Variants in KIF2A observed in about 807,000 individuals in gnomAD.
KIF2A encodes the protein kinesin family member 2A.
Under a neutral mutation model 100.2 loss-of-function variants are expected in KIF2A, and 22 were observed. The ratio of observed to expected loss-of-function variants is 0.22; its 90% CI spans 0.16 to 0.31. The LOEUF is 0.31. Among genes scored for constraint, KIF2A ranks in the 10% least tolerant of loss-of-function variants. KIF2A has a pLI of 1.00. For synonymous variants in KIF2A, 268 were observed against 285.9 expected (o/e 0.94, Z 0.63); for missense variants, 495 against 898.7 (o/e 0.55, Z 5.74).
intron 4 of KIF2A, among the ~76,000 whole-genome samples, chr5:62,351,587 G>A (rs1409180748): frequency 6.6e-6 from 1 of 152,148 alleles, no homozygotes; most frequent in Non-Finnish European, 1.5e-5. Context: ...AGTATTAAAT[G>A]AGAGATTGGA....
chr5:62,367,601 T>C (rs1412394958), intron 16 of KIF2A, among the ~76,000 whole-genome samples: 1 of 152,164 alleles, frequency 6.6e-6, no homozygotes, highest in African/African-American at 2.4e-5. Flanking sequence ...CATTTTGTTA[T>C]TCATATTAAT....
At chr5:62,328,848 G>C (rs1208262519) in intron 1 of KIF2A, among the ~76,000 whole-genome samples, 1 of 152,074 alleles carries the variant, frequency 6.6e-6, no homozygotes, top group Non-Finnish European at 1.5e-5. Context: ...TCTTATTACT[G>C]TTACGCAAAT....
chr5:62,366,558 G>T, intron 16 of KIF2A, 77 bp downstream of exon 16: 1 of 900,522 alleles, frequency 1.1e-6, no homozygotes, highest in Non-Finnish European at 1.7e-6. Flanking sequence ...TCTGCCTCGT[G>T]CGGTGGCTCA....
intron 1 of KIF2A, among the ~76,000 whole-genome samples, chr5:62,344,342 A>C (rs1224718089): frequency 7.2e-6 from 1 of 138,942 alleles, no homozygotes; most frequent in Non-Finnish European, 1.6e-5. Context: ...GCGCGACTCC[A>C]TCTCAAAAAA....
At position 62,363,753 on chromosome 5, in the gene KIF2A, A is replaced by G; in HGVS notation, c.1321A>G (p.Ile441Val). 2 of 1,613,928 alleles carry G rather than the reference A, an allele frequency of 1.2e-6. No homozygotes were observed. Among genetic ancestry groups the G allele is most frequent in the East Asian group, 2.2e-5 (1 of 44,870 alleles). ...ATCTCGGAGCCATGCAGTGTTTCAG[A>G]TTATTCTTAGAAGGAAAGGAAAACT... ...HSSRSHAVFQIILRRKGKLHG... is the reference protein window; with the variant it reads ...HSSRSHAVFQVILRRKGKLHG... Residue 441 changes from isoleucine to valine, a missense_variant, in exon 14 of 21, where the codon ATT (isoleucine) becomes GTT (valine). Around this residue, in one of 10 missense-constraint regions of KIF2A, gnomAD observed 38 missense variants for 99.5 expected, o/e 0.38. Transcript: ENST00000407818.
In KIF2A at chr5:62,377,964, C is replaced by T. The variant is rs1248196082; in HGVS notation, c.2013+202C>T. Among the ~76,000 whole-genome samples, 7 of 152,150 alleles carry T rather than the reference C, an allele frequency of 4.6e-5. No individual in the cohort carries two copies. In the South Asian group the frequency reaches 8.3e-4, roughly 18 times the overall value. On this transcript the variant is annotated intron_variant, in intron 19 of 20. Transcript: ENST00000407818. ...AACATTTCTTTGCACCATGGTGAAA[C>T]GTTCTACTTTATTTACCTCCCGTCC...
At chr5:62,372,063 T>C (rs891928794) in intron 16 of KIF2A, among the ~76,000 whole-genome samples, 8 of 152,218 alleles carry the variant, frequency 5.3e-5, no homozygotes, top group Non-Finnish European at 1.2e-4. Context: ...GCAAAAATGT[T>C]GAAGACTCAT....
intron 14 of KIF2A, among the ~76,000 whole-genome samples, chr5:62,364,966 G>A (rs1740997955): frequency 6.6e-6 from 1 of 152,136 alleles, no homozygotes; most frequent in Non-Finnish European, 1.5e-5. Flanking sequence ...GGTAGCAGGC[G>A]CCTGTTATCC....
chr5:62,364,438 G>A (rs1157376305), intron 14 of KIF2A, among the ~76,000 whole-genome samples: 2 of 152,240 alleles, frequency 1.3e-5, no homozygotes, highest in South Asian at 2.1e-4. Context: ...GAGCCACCGC[G>A]CCCGGCCCAG....
intron 9 of KIF2A, among the ~76,000 whole-genome samples, chr5:62,360,724 G>A (rs1029317816): frequency 1.3e-5 from 2 of 152,106 alleles, no homozygotes; most frequent in East Asian, 1.9e-4. Context: ...TAATATTTAG[G>A]TATCCTTTTC....
intron 16 of KIF2A, among the ~76,000 whole-genome samples, chr5:62,369,619 G>T (rs1055580812): frequency 4.0e-5 from 6 of 151,876 alleles, no homozygotes; most frequent in South Asian, 2.1e-4. Flanking sequence ...TAGGAATAAA[G>T]ATTTTTAACC....
chr5:62,313,563 C>T (rs1052356154), intron 1 of KIF2A, among the ~76,000 whole-genome samples: 2 of 152,042 alleles, frequency 1.3e-5, no homozygotes, highest in Non-Finnish European at 1.5e-5. Flanking sequence ...CCATGTTGGC[C>T]AGGCTGGTCT....
intron 1 of KIF2A, among the ~76,000 whole-genome samples, chr5:62,310,586 TCCCGCTGG>T (rs1169271453): frequency 2.0e-5 from 3 of 152,208 alleles, no homozygotes; most frequent in African/African-American, 7.2e-5. Context: ...GCCCTCTACT[TCCCGCTGG>T]CCTGTTAGTC....
At chr5:62,351,924 T>C (rs1580061752) in intron 4 of KIF2A, among the ~76,000 whole-genome samples, 2 of 151,996 alleles carry the variant, frequency 1.3e-5, no homozygotes, top group Non-Finnish European at 2.9e-5. Flanking sequence ...GAGGCCGAGG[T>C]GGGTGGATCA....
chr5:62,374,664 G>C (rs572651293), intron 18 of KIF2A, among the ~76,000 whole-genome samples: 3 of 152,218 alleles, frequency 2.0e-5, no homozygotes, highest in African/African-American at 4.8e-5. Context: ...AAACAAGCCA[G>C]GCGCGGTGTC....
Position 62,306,382 on chromosome 5 carries a change from T to TCCCC in KIF2A, c.-89_-86dup, listed in dbSNP as rs1166177062. 22 of 942,876 alleles carry TCCCC rather than the reference T, an allele frequency of 2.3e-5. No homozygotes were observed. Among genetic ancestry groups the TCCCC allele is most frequent in the Middle Eastern group, 3.1e-4 (1 of 3,212 alleles). The allele number at this position is 942,876 out of a possible 1,614,324, so 58.4% of individuals were successfully genotyped here. On this transcript the variant is annotated 5_prime_UTR_variant, in exon 1 of 21. Coordinates refer to ENST00000407818, the MANE Select transcript of KIF2A (RefSeq NM_001098511.3). ...GGCCGGCGCGGCCGCGGGCAACCGC[T>TCCCC]CCCCCTCCCACACCTACCCCGCCCC...
At position 62,385,588 on chromosome 5, in the gene KIF2A, A is replaced by AG; in HGVS notation, c.*21dup. ...CCTTTAAACCGGCATTTGCTGCTAA[A>AG]GGATACCCAGAACCCTCACTACTGT... On this transcript the variant is annotated 3_prime_UTR_variant, in exon 21 of 21. Coordinates refer to ENST00000407818, the MANE Select transcript of KIF2A (RefSeq NM_001098511.3). 6.5e-7 allele frequency: 1 copy of AG among 1,543,296 alleles called. No individual in the cohort carries two copies. The highest frequency in any genetic ancestry group is 8.8e-7 in the Non-Finnish European group (1 of 1,132,978).
chr5:62,334,245 T>C (rs1251885944), intron 1 of KIF2A, among the ~76,000 whole-genome samples: 1 of 151,696 alleles, frequency 6.6e-6, no homozygotes, highest in Non-Finnish European at 1.5e-5. Flanking sequence ...ACATCATGAC[T>C]CACCTGGGCA....
Position 62,350,239 on chromosome 5 carries a change from A to G in KIF2A, c.334+119A>G, listed in dbSNP as rs547629151. ...GTATTTATTTAAATTTTACCTGGCT[A>G]ATTTTAAGAGGTGCTTTTTTGTTTT... On this transcript the variant is annotated intron_variant, in intron 4 of 20. Transcript: ENST00000407818. 6.4e-6 allele frequency: 4 copies of G among 628,966 alleles called. No homozygotes were observed. In the South Asian group the frequency reaches 8.3e-5, roughly 13 times the overall value. The allele number at this position is 628,966 out of a possible 1,614,324, so 39.0% of individuals were successfully genotyped here. A position where few individuals can be genotyped will look rare whatever the true frequency, so the allele number is the denominator to read the frequency against.
Sources: allele counts gnomAD v4.1 joint callset (sites outside exome capture counted in the v4.1 genomes callset), GRCh38; gene constraint gnomAD v4.1.1; regional missense constraint gnomAD v4.1.1; transcripts MANE v1.5; gene names NCBI Gene and HGNC (gene_info 2026-07-23, HGNC 2026-07-21).